BRINP1: variants seen among roughly 807,000 people sequenced by gnomAD.
BRINP1 encodes the protein BMP/retinoic acid inducible neural specific 1, also known as BMP/retinoic acid-inducible neural-specific protein 1.
A neutral mutation model predicts 72.9 loss-of-function variants in BRINP1; 17 were observed. The ratio of observed to expected loss-of-function variants is 0.23; its 90% confidence interval spans 0.16 to 0.35. The LOEUF (loss-of-function observed/expected upper bound fraction) is 0.35. BRINP1 is among the 10% of genes least tolerant of loss of function. BRINP1 has a pLI of 1.00. For synonymous variants in BRINP1, 418 were observed against 378.5 expected, an observed-to-expected ratio of 1.10 and a Z score of -1.21; for missense variants, 850 against 1,001.6, an observed-to-expected ratio of 0.85 and a Z score of 2.04.
intron 7 of BRINP1, among the ~76,000 whole-genome samples, chr9:119,187,441 C>G (rs1299533185): frequency 6.6e-6 from 1 of 151,962 alleles, no homozygotes; most frequent in African/African-American, 2.4e-5. Context: ...AAGGTACCCA[C>G]AGAAATTTCT....
intron 7 of BRINP1, among the ~76,000 whole-genome samples, chr9:119,194,116 C>T (rs1290486424): frequency 6.6e-6 from 1 of 152,174 alleles, no homozygotes; most frequent in African/African-American, 2.4e-5. Context: ...GCCAGCTTTG[C>T]TCCCAGCTAA....
chr9:119,193,798 G>A (rs230089), intron 7 of BRINP1, among the ~76,000 whole-genome samples: 43,847 of 152,008 alleles, frequency 0.29, 8,582 homozygotes, highest in African/African-American at 0.56. Flanking sequence ...TATTTCTCCC[G>A]TAAAGACAAC....
chr9:119,348,285 G>A (rs766634872), intron 1 of BRINP1, among the ~76,000 whole-genome samples: 1 of 152,114 alleles, frequency 6.6e-6, no homozygotes, highest in Non-Finnish European at 1.5e-5. Flanking sequence ...GTTTTCTCAT[G>A]GCTTGATAGC....
At chr9:119,173,936 T>C (rs1588153938) in intron 7 of BRINP1, among the ~76,000 whole-genome samples, 2 of 128,442 alleles carry the variant, frequency 1.6e-5, no homozygotes, top group Admixed American at 7.3e-5. Context: ...GCTAGCCATA[T>C]GTAGAAAGCT....
chr9:119,333,268 C>G (rs1831317658), intron 1 of BRINP1, among the ~76,000 whole-genome samples: 1 of 151,624 alleles, frequency 6.6e-6, no homozygotes, highest in South Asian at 2.1e-4. Flanking sequence ...TGAGACCAGC[C>G]TGGGCAACAT....
chr9:119,203,788 G>A (rs1279447098), intron 7 of BRINP1, among the ~76,000 whole-genome samples: 1 of 152,076 alleles, frequency 6.6e-6, no homozygotes, highest in East Asian at 1.9e-4. Flanking sequence ...CATTATTGTT[G>A]TTATTATTAT....
intron 6 of BRINP1, among the ~76,000 whole-genome samples, chr9:119,210,672 T>TA (rs1030672891): frequency 2.0e-5 from 3 of 152,112 alleles, no homozygotes; most frequent in Non-Finnish European, 2.9e-5. Context: ...TAAAAGGTGA[T>TA]AAAAAATAGA....
At chr9:119,187,437 C>A (rs1325913749) in intron 7 of BRINP1, among the ~76,000 whole-genome samples, 1 of 151,828 alleles carries the variant, frequency 6.6e-6, no homozygotes, top group Non-Finnish European at 1.5e-5. Flanking sequence ...TATTAAGGTA[C>A]CCACAGAAAT....
At chr9:119,267,331 T>C (rs1830557567) in intron 2 of BRINP1, among the ~76,000 whole-genome samples, 2 of 152,056 alleles carry the variant, frequency 1.3e-5, no homozygotes, top group African/African-American at 4.8e-5. Flanking sequence ...TTTGACATGA[T>C]ACATTTAAGA....
intron 1 of BRINP1, among the ~76,000 whole-genome samples, chr9:119,332,110 G>T (rs996874934): frequency 6.6e-6 from 1 of 152,102 alleles, no homozygotes; most frequent in East Asian, 1.9e-4. Flanking sequence ...TGAATAAAAA[G>T]CTGTGCACTC....
intron 2 of BRINP1, among the ~76,000 whole-genome samples, chr9:119,266,927 T>C (rs1466687312): frequency 1.3e-5 from 2 of 152,078 alleles, no homozygotes; most frequent in African/African-American, 2.4e-5. Context: ...AGAATCTGAG[T>C]TGGGTTTCAG....
chr9:119,216,613 C>T (rs753433331), intron 5 of BRINP1, among the ~76,000 whole-genome samples: 6 of 152,108 alleles, frequency 3.9e-5, no homozygotes, highest in Non-Finnish European at 7.3e-5. Context: ...TTAGCTGATC[C>T]CAATCCCCCA....
At chr9:119,274,809 G>C (rs146863039) in intron 2 of BRINP1, among the ~76,000 whole-genome samples, 2,579 of 152,186 alleles carry the variant, frequency 0.017, 26 homozygotes, top group Non-Finnish European at 0.025. Context: ...GTCACAGAGA[G>C]TAAATGCAGC....
At chr9:119,351,321 A>T (rs186255893) in intron 1 of BRINP1, among the ~76,000 whole-genome samples, 1 of 152,126 alleles carries the variant, frequency 6.6e-6, no homozygotes, top group Non-Finnish European at 1.5e-5. Flanking sequence ...AGCTCTACTC[A>T]CTCTAAACAC....
At chr9:119,193,339 G>T (rs1228902245) in intron 7 of BRINP1, among the ~76,000 whole-genome samples, 1 of 151,998 alleles carries the variant, frequency 6.6e-6, no homozygotes, top group Non-Finnish European at 1.5e-5. Context: ...AATATTGCAT[G>T]ATTTCACTTA....
At chr9:119,293,390 G>C (rs1398237939) in intron 2 of BRINP1, among the ~76,000 whole-genome samples, 1 of 151,864 alleles carries the variant, frequency 6.6e-6, no homozygotes, top group Non-Finnish European at 1.5e-5. Flanking sequence ...GCATGAATAA[G>C]GTGAGATATA....
At chr9:119,311,148 A>G (rs560043144) in intron 2 of BRINP1, among the ~76,000 whole-genome samples, 6 of 152,240 alleles carry the variant, frequency 3.9e-5, no homozygotes, top group African/African-American at 1.2e-4. Context: ...CAACTACTAT[A>G]TTTATTTTAC....
chr9:119,361,119 T>A (rs1212812039), intron 1 of BRINP1, among the ~76,000 whole-genome samples: 1 of 152,136 alleles, frequency 6.6e-6, no homozygotes, highest in Non-Finnish European at 1.5e-5. Context: ...TAGCAGGAAG[T>A]CCGGGTAATT....
intron 1 of BRINP1, among the ~76,000 whole-genome samples, chr9:119,323,551 A>T (rs147580093): frequency 2.1e-3 from 314 of 152,318 alleles, no homozygotes; most frequent in African/African-American, 7.0e-3. Context: ...GCAGCTAAAG[A>T]TACATTTTCC....
Sources: gnomAD v4.1 joint callset for allele counts (sites outside exome capture counted in the v4.1 genomes callset) on GRCh38, gnomAD v4.1.1 for gene constraint, MANE v1.5 for transcripts, NCBI Gene and HGNC (gene_info 2026-07-23, HGNC 2026-07-21) for gene names.